Variants in FSD2 observed in about 807,000 individuals in gnomAD.
FSD2 encodes the protein fibronectin type III and SPRY domain containing 2.
A neutral mutation model predicts 80.4 loss-of-function variants in FSD2; 71 were observed. The observed-to-expected ratio is 0.88, with a 90% CI of 0.73 to 1.08. FSD2 has a LOEUF of 1.08. Ranked by LOEUF, FSD2 falls within the 50% of genes least tolerant of loss-of-function variation. The pLI is 0.00. For missense variants in FSD2, 923 were observed against 913.8 expected (o/e 1.01, Z -0.13); for synonymous variants, 361 against 329.5 (o/e 1.10, Z -1.03).
rs138007198 is a variant in FSD2 at position 82,756,281 on chromosome 15, C to T, written c.*3067G>A. 117 of 202,666 alleles carry T rather than the reference C, an allele frequency of 5.8e-4. No homozygotes were observed. Among genetic ancestry groups the T allele is most frequent in the African/African-American group, 2.6e-3 (114 of 43,468 alleles). 12.6% of individuals were successfully genotyped at this position (202,666 alleles called of 1,614,324 possible). On this transcript the variant is annotated 3_prime_UTR_variant, in exon 13 of 13. Transcript: ENST00000334574. ...TAGCTGAACCGCCTTGCATCAAGAC[C>T]AATGTAGTCTTATTTACAGAATGCC... is the stretch of plus-strand genomic sequence containing the variant.
intron 5 of FSD2, among the ~76,000 whole-genome samples, chr15:82,779,826 A>T (rs1033799000): frequency 2.6e-5 from 4 of 152,132 alleles, no homozygotes; most frequent in Non-Finnish European, 5.9e-5. Flanking sequence ...TTCTAGACTG[A>T]TTAGATTTGC....
Position 82,787,440 on chromosome 15 carries a change from C to G in FSD2, c.-50G>C. 4 of 1,511,780 alleles carry G rather than the reference C, an allele frequency of 2.6e-6. No homozygotes were observed. Among genetic ancestry groups the G allele is most frequent in the Non-Finnish European group, 1.8e-6 (2 of 1,126,088 alleles). 93.6% of individuals were successfully genotyped at this position (1,511,780 alleles called of 1,614,324 possible). On this transcript the variant is annotated 5_prime_UTR_variant, in exon 2 of 13. Coordinates refer to ENST00000334574, the MANE Select transcript of FSD2 (RefSeq NM_001007122.4). ...CACCTTTATATAAGAAAGATCCTTC[C>G]TGGACACTTAATAGTGAATATCTGG...
intron 1 of FSD2, among the ~76,000 whole-genome samples, chr15:82,800,682 A>T (rs1220133932): frequency 9.1e-6 from 1 of 109,368 alleles, no homozygotes; most frequent in Non-Finnish European, 1.7e-5. Context: ...ATAGAGCGAG[A>T]TTCTGTCTCA....
At position 82,762,298 on chromosome 15, in the gene FSD2, G is replaced by A. The variant is rs762599395; in HGVS notation, c.1821-20C>T. 2.5e-5 allele frequency: 40 copies of A among 1,609,892 alleles called. No individual in the cohort carries two copies. The South Asian group carries it at 3.2e-4, about 13-fold the overall frequency. The stretch of plus-strand genomic sequence containing the variant: ...ACACACCTGGTTTTAGAAAGTGGAA[G>A]CATGTGTGATCTGGGGTGCCCCAAG... On this transcript the variant is annotated intron_variant, in intron 11 of 12. Transcript: ENST00000334574.
intron 3 of FSD2, 93 bp downstream of exon 3, chr15:82,786,418 A>T: frequency 1.0e-6 from 1 of 966,988 alleles, no homozygotes; most frequent in Non-Finnish European, 1.6e-6. Context: ...TTCTAAGAAA[A>T]CAGATTCTCT....
At chr15:82,770,015 C>G (rs1344281180) in intron 7 of FSD2, 131 bp from the exon 8 acceptor site, 1 of 958,304 alleles carries the variant, frequency 1.0e-6, no homozygotes, top group Non-Finnish European at 1.6e-6. Context: ...TGCACTCCCT[C>G]TGCAGCATGA....
Position 82,787,366 on chromosome 15 carries a change from G to T in FSD2, c.25C>A (p.Leu9Met). MEEESGEE[L>M]GLDRSTPKDF... ...TTGGGAGTAGACCTGTCCAGCCCCA[G>T]TTCCTCCCCCGATTCCTCCTCCATT... is the stretch of plus-strand genomic sequence containing the variant. Residue 9 changes from leucine (L) to methionine (M), a missense_variant, in exon 2 of 13, where the codon CTG becomes ATG. Physicochemically the swap from Leu to Met is conservative, Grantham distance 15 (BLOSUM62 2). Coordinates refer to ENST00000334574, the MANE Select transcript of FSD2 (RefSeq NM_001007122.4). 6.2e-7 allele frequency: 1 copy of T among 1,609,328 alleles called. No individual in the cohort carries two copies. Among genetic ancestry groups the T allele is most frequent in the Non-Finnish European group, 8.5e-7 (1 of 1,177,184 alleles).
intron 3 of FSD2, among the ~76,000 whole-genome samples, chr15:82,783,450 G>A (rs1485281317): frequency 6.6e-6 from 1 of 152,190 alleles, no homozygotes; most frequent in African/African-American, 2.4e-5. Flanking sequence ...AACTATTTTA[G>A]TTCCTCTACT....
At chr15:82,766,131 C>G (rs750176025) in intron 9 of FSD2, 100 bp from the exon 10 acceptor site, 1 of 1,319,370 alleles carries the variant, frequency 7.6e-7, no homozygotes, top group South Asian at 1.6e-5. Flanking sequence ...CTCACTCTTG[C>G]GCTCCTGTCC....
chr15:82,799,114 A>T (rs1490609694), intron 1 of FSD2, among the ~76,000 whole-genome samples: 2 of 152,224 alleles, frequency 1.3e-5, no homozygotes, highest in Non-Finnish European at 1.5e-5. Context: ...CTGCTTAAGC[A>T]ATCCTCCCGC....
At chr15:82,766,242 C>G (rs766789790) in intron 9 of FSD2, among the ~76,000 whole-genome samples, 1 of 152,200 alleles carries the variant, frequency 6.6e-6, no homozygotes, top group Non-Finnish European at 1.5e-5. Flanking sequence ...ATTGCTACTT[C>G]TTGTGTTTGT....
At chr15:82,799,956 A>G (rs1262045931) in intron 1 of FSD2, among the ~76,000 whole-genome samples, 1 of 152,036 alleles carries the variant, frequency 6.6e-6, no homozygotes, top group Non-Finnish European at 1.5e-5. Context: ...GCCTCTCTAC[A>G]CTCTGGCCAT....
intron 6 of FSD2, among the ~76,000 whole-genome samples, chr15:82,777,506 A>T (rs1243482741): frequency 6.6e-6 from 1 of 152,098 alleles, no homozygotes; most frequent in Non-Finnish European, 1.5e-5. Context: ...GCGCATCAAA[A>T]CCACAATGAG....
At position 82,759,598 on chromosome 15, in the gene FSD2, T is replaced by G; in HGVS notation, c.2000A>C (p.His667Pro). 6.4e-7 allele frequency: 1 copy of G among 1,562,268 alleles called. No homozygotes were observed. The highest frequency in any genetic ancestry group is 1.2e-5 in the South Asian group (1 of 83,478). ...CMRHTFASSR[H>P]KYEFLHNRTT... is the part of the protein sequence containing the mutation. ...TCTGTTGTGCAGAAATTCATACTTA[T>G]GCCTGAAAATTAAATTTGACATAAT... The change falls in exon 13 of 13, where the codon CAT (histidine) becomes CCT (proline). Residue 667 changes from histidine to proline, a missense_variant and splice_region_variant. Physicochemically the swap from His to Pro is moderately conservative, Grantham distance 77. Coordinates refer to ENST00000334574, the MANE Select transcript of FSD2 (RefSeq NM_001007122.4).
At chr15:82,772,872 A>G (rs2151500059) in intron 6 of FSD2, among the ~76,000 whole-genome samples, 1 of 152,200 alleles carries the variant, frequency 6.6e-6, no homozygotes, top group African/African-American at 2.4e-5. Context: ...CTTTGAGACA[A>G]AGTCTTGCTC....
At chr15:82,803,441 C>T (rs2050460123) in intron 1 of FSD2, among the ~76,000 whole-genome samples, 2 of 152,126 alleles carry the variant, frequency 1.3e-5, no homozygotes, top group South Asian at 4.1e-4. Context: ...GCTCTATACT[C>T]CCCAAGCAGC....
At chr15:82,774,999 C>T (rs2049680391) in intron 6 of FSD2, among the ~76,000 whole-genome samples, 1 of 151,006 alleles carries the variant, frequency 6.6e-6, no homozygotes. Flanking sequence ...GGATTACAGG[C>T]GTGAGCCACC....
chr15:82,759,450 A>T lies in FSD2; in HGVS notation c.2148T>A (p.Cys716Ter), dbSNP rs375670260. Residue 716 changes from cysteine (C) to a stop codon, truncating the protein, a stop_gained, in exon 13 of 13, where the codon TGT becomes TGA. Transcript: ENST00000334574. LOFTEE classifies it high-confidence loss of function. Reference protein sequence around the residue: ...DLSQHLYTFSCQLHEFVHPCF... With the variant: ...DLSQHLYTFS ...AGGGATGCACAAATTCGTGAAGCTG[A>T]CAACTAAATGTATATAGATGCTGAG... 7.4e-6 allele frequency: 12 copies of T among 1,613,608 alleles called. No homozygotes were observed. In the African/African-American group the frequency reaches 1.6e-4, roughly 22 times the overall value.
intron 11 of FSD2, among the ~76,000 whole-genome samples, chr15:82,764,838 G>A (rs2049376159): frequency 6.6e-6 from 1 of 151,886 alleles, no homozygotes; most frequent in Non-Finnish European, 1.5e-5. Flanking sequence ...CAAGAACTTG[G>A]ACACCCTCCA....
Sources: gnomAD v4.1 joint callset for allele counts (sites outside exome capture counted in the v4.1 genomes callset) on GRCh38, gnomAD v4.1.1 for gene constraint, MANE v1.5 for transcripts, NCBI Gene and HGNC (gene_info 2026-07-23, HGNC 2026-07-21) for gene names.